SLC15A1: variants seen among roughly 807,000 people sequenced by gnomAD.
The protein encoded by SLC15A1 is Caco-2 oligopeptide transporter.
Under a neutral mutation model 92.9 loss-of-function variants are expected in SLC15A1, and 83 were observed. The ratio of observed to expected loss-of-function variants is 0.89; its 90% CI spans 0.75 to 1.07. SLC15A1 has a LOEUF of 1.07. Among genes scored for constraint, SLC15A1 ranks in the 50% least tolerant of loss-of-function variants. The pLI is 0.00. For synonymous variants in SLC15A1, 322 were observed against 318.2 expected (o/e 1.01, Z -0.13); for missense variants, 857 against 880.1 (o/e 0.97, Z 0.33).
At chr13:98,744,329 T>C (rs1309466931) in intron 1 of SLC15A1, among the ~76,000 whole-genome samples, 1 of 148,270 alleles carries the variant, frequency 6.7e-6, no homozygotes, top group Admixed American at 6.7e-5. Context: ...CCCTAACTTA[T>C]ACACACACAG....
chr13:98,714,720 T>C (rs747066280), intron 9 of SLC15A1, among the ~76,000 whole-genome samples: 1 of 148,118 alleles, frequency 6.8e-6, no homozygotes. Context: ...CCAGGTAAGA[T>C]AAAGTAAGTG....
Position 98,709,914 on chromosome 13 carries a change from T to A in SLC15A1, c.901-3A>T, listed in dbSNP as rs758303873. ...GCCTGCAGTGTCCACCTGGAGCCCTTAAAAATGAATACATTTGCTGTATTA... is the reference window on the plus strand; with the variant it reads ...GCCTGCAGTGTCCACCTGGAGCCCTAAAAAATGAATACATTTGCTGTATTA... On this transcript the variant is annotated splice_region_variant and splice_polypyrimidine_tract_variant and intron_variant, in intron 11 of 22. Transcript: ENST00000376503. 2 of 1,614,186 alleles carry A rather than the reference T, an allele frequency of 1.2e-6. No individual in the cohort carries two copies. The highest frequency in any genetic ancestry group is 1.7e-6 in the Non-Finnish European group (2 of 1,179,998).
intron 11 of SLC15A1, among the ~76,000 whole-genome samples, chr13:98,711,509 C>T (rs183633903): frequency 1.3e-5 from 2 of 152,306 alleles, no homozygotes; most frequent in Non-Finnish European, 2.9e-5. Context: ...TAACTTGTTA[C>T]CACGCTGTAT....
intron 1 of SLC15A1, among the ~76,000 whole-genome samples, chr13:98,742,288 C>T (rs1229830667): frequency 2.0e-5 from 3 of 152,368 alleles, no homozygotes; most frequent in East Asian, 1.9e-4. Context: ...TCCTACCTGT[C>T]GCCAGCCCCT....
chr13:98,703,912 T>C (rs1255339417), intron 17 of SLC15A1, among the ~76,000 whole-genome samples: 1 of 152,154 alleles, frequency 6.6e-6, no homozygotes, highest in Non-Finnish European at 1.5e-5. Flanking sequence ...ATTTTCTGAC[T>C]ATTTAGTGCA....
At chr13:98,693,442 A>G (rs2087998372) in intron 18 of SLC15A1, among the ~76,000 whole-genome samples, 1 of 152,112 alleles carries the variant, frequency 6.6e-6, no homozygotes, top group Non-Finnish European at 1.5e-5. Context: ...AGGCAGTGGT[A>G]TCTCATTGTG....
At chr13:98,749,504 G>A (rs948812886) in intron 1 of SLC15A1, among the ~76,000 whole-genome samples, 2 of 152,142 alleles carry the variant, frequency 1.3e-5, no homozygotes, top group African/African-American at 2.4e-5. Context: ...GGGGTGGGAG[G>A]AAAGAGATCA....
chr13:98,710,377 C>T (rs150683604), intron 11 of SLC15A1, among the ~76,000 whole-genome samples: 264 of 152,214 alleles, frequency 1.7e-3, no homozygotes, highest in African/African-American at 6.1e-3. Context: ...GGATTTATAC[C>T]TGGGCAGCCC....
chr13:98,709,698 C>T, intron 13 of SLC15A1, 38 bp from the exon 14 acceptor site: 1 of 1,614,136 alleles, frequency 6.2e-7, no homozygotes, highest in Non-Finnish European at 8.5e-7. Context: ...AAGCTTGTCT[C>T]AAAGACGACT....
intron 18 of SLC15A1, among the ~76,000 whole-genome samples, chr13:98,692,705 A>C (rs890425097): frequency 6.6e-6 from 1 of 152,176 alleles, no homozygotes; most frequent in African/African-American, 2.4e-5. Context: ...GTACCATTTT[A>C]GATTTACCAC....
intron 15 of SLC15A1, 150 bp downstream of exon 15, chr13:98,708,535 TG>T: frequency 1.8e-6 from 1 of 548,892 alleles, no homozygotes; most frequent in Non-Finnish European, 3.1e-6. Flanking sequence ...CTCACACCCA[TG>T]GTGCCTCCCA....
chr13:98,728,452 C>A (rs1405612122), intron 1 of SLC15A1, among the ~76,000 whole-genome samples: 1 of 151,934 alleles, frequency 6.6e-6, no homozygotes, highest in Non-Finnish European at 1.5e-5. Context: ...GTGAAATAAG[C>A]CAGGCACAGA....
chr13:98,694,265 C>T (rs960965202), intron 18 of SLC15A1, among the ~76,000 whole-genome samples: 1 of 152,042 alleles, frequency 6.6e-6, no homozygotes, highest in African/African-American at 2.4e-5. Context: ...AAAGCCAGAC[C>T]TTTGCATAGC....
chr13:98,721,488 C>G lies in SLC15A1; in HGVS notation c.556+7G>C. 6.2e-7 allele frequency: 1 copy of G among 1,605,766 alleles called. No individual in the cohort carries two copies. Among genetic ancestry groups the G allele is most frequent in the Non-Finnish European group, 8.5e-7 (1 of 1,172,618 alleles). On this transcript the variant is annotated splice_region_variant and intron_variant, in intron 7 of 22. Transcript: ENST00000376503. Reference sequence around the variant, plus strand: ...ACCAACAGAAGTTCCTTTCAGGTATCTCTTACCTCTGAGCATGGGTGTGAT... The same window carrying G: ...ACCAACAGAAGTTCCTTTCAGGTATGTCTTACCTCTGAGCATGGGTGTGAT...
chr13:98,714,605 G>A (rs1320689226), intron 9 of SLC15A1, among the ~76,000 whole-genome samples: 16 of 134,244 alleles, frequency 1.2e-4, no homozygotes, highest in Admixed American at 1.7e-4. Flanking sequence ...AGTGAGCTGA[G>A]AGTGCACCAC....
At chr13:98,742,076 C>T (rs1403808839) in intron 1 of SLC15A1, among the ~76,000 whole-genome samples, 1 of 152,210 alleles carries the variant, frequency 6.6e-6, no homozygotes, top group Non-Finnish European at 1.5e-5. Flanking sequence ...CTGCAGCTGA[C>T]CTGAGTCTCA....
chr13:98,720,620 C>T (rs1660011474), intron 7 of SLC15A1: 1 of 162,548 alleles, frequency 6.2e-6, no homozygotes, highest in Non-Finnish European at 1.4e-5. Flanking sequence ...CACATATTCC[C>T]TTCCACATGG....
chr13:98,720,356 G>T (rs1302019666), intron 7 of SLC15A1, among the ~76,000 whole-genome samples: 1 of 152,122 alleles, frequency 6.6e-6, no homozygotes, highest in Non-Finnish European at 1.5e-5. Flanking sequence ...ATTTAAACAT[G>T]CACCCTCTAG....
chr13:98,706,329 G>A (rs1481872543), intron 15 of SLC15A1, 76 bp from the exon 16 acceptor site: 37 of 1,541,874 alleles, frequency 2.4e-5, no homozygotes, highest in Non-Finnish European at 2.8e-5. Flanking sequence ...TGACAAGGGG[G>A]TGCTTTCCTC....
Sources: allele counts gnomAD v4.1 joint callset (sites outside exome capture counted in the v4.1 genomes callset), GRCh38; gene constraint gnomAD v4.1.1; transcripts MANE v1.5; gene names NCBI Gene and HGNC (gene_info 2026-07-23, HGNC 2026-07-21).